Variants in CLSTN2 observed in about 807,000 individuals in gnomAD.
CLSTN2 encodes calsyntenin 2.
In CLSTN2, 48 loss-of-function variants were observed where a neutral mutation model predicts 101.2. The ratio of observed to expected loss-of-function variants is 0.47; its 90% CI spans 0.38 to 0.60. The LOEUF (loss-of-function observed/expected upper bound fraction) is 0.60. Ranked by LOEUF, CLSTN2 falls within the 20% of genes least tolerant of loss-of-function variation. The probability of loss-of-function intolerance (pLI) is 0.00; values close to 1 mark genes in which losing one functional copy is unlikely to be tolerated. For synonymous variants in CLSTN2, 481 were observed against 463.6 expected, an observed-to-expected ratio of 1.04 and a Z score of -0.48; for missense variants, 1,160 against 1,238.2, an observed-to-expected ratio of 0.94 and a Z score of 0.95.
chr3:140,058,888 CTG>C (rs2008146996), intron 1 of CLSTN2, among the ~76,000 whole-genome samples: 1 of 151,942 alleles, frequency 6.6e-6, no homozygotes, highest in African/African-American at 2.4e-5. Flanking sequence ...AGGGAGGCTG[CTG>C]TGTTTCCAGG....
intron 8 of CLSTN2, among the ~76,000 whole-genome samples, chr3:140,476,914 C>G (rs1420179512): frequency 6.6e-6 from 1 of 152,126 alleles, no homozygotes; most frequent in Non-Finnish European, 1.5e-5. Context: ...CCGCCTTGGC[C>G]TCCCAAAGTG....
rs1299991034 is a variant in CLSTN2 at position 140,501,465 on chromosome 3, C to G, written c.1345-30859C>G. Among the ~76,000 whole-genome samples, 6 of 152,092 alleles carry G rather than the reference C, an allele frequency of 3.9e-5. No individual in the cohort carries two copies. The South Asian group carries it at 1.2e-3, about 32-fold the overall frequency. ...TTAAATGAAATCCTTCAGGAGGCCT[C>G]GGCTCCTCTCCCAGACAAACTCTGT... On this transcript the variant is annotated intron_variant, in intron 8 of 16. Coordinates refer to ENST00000458420, the MANE Select transcript of CLSTN2 (RefSeq NM_022131.3).
chr3:140,090,071 G>A (rs2008750966), intron 1 of CLSTN2, among the ~76,000 whole-genome samples: 1 of 147,032 alleles, frequency 6.8e-6, no homozygotes, highest in Middle Eastern at 3.4e-3. Context: ...CTGTGTGGGG[G>A]AGAAATTTAT....
At chr3:140,313,710 CACAA>C (rs2087197127) in intron 2 of CLSTN2, among the ~76,000 whole-genome samples, 1 of 152,220 alleles carries the variant, frequency 6.6e-6, no homozygotes, top group Non-Finnish European at 1.5e-5. Context: ...TTTCTATACT[CACAA>C]AGTGAAGTGT....
chr3:140,111,013 C>A (rs1392715943), intron 1 of CLSTN2, among the ~76,000 whole-genome samples: 1 of 152,146 alleles, frequency 6.6e-6, no homozygotes, highest in African/African-American at 2.4e-5. Context: ...CTCTTCAACC[C>A]CATTCTCCTA....
chr3:140,234,348 T>C (rs1414256457), intron 2 of CLSTN2, among the ~76,000 whole-genome samples: 1 of 152,142 alleles, frequency 6.6e-6, no homozygotes, highest in Non-Finnish European at 1.5e-5. Flanking sequence ...CCATTGAGGG[T>C]AGGCTCTGGA....
At chr3:140,029,401 T>G (rs2007499956) in intron 1 of CLSTN2, among the ~76,000 whole-genome samples, 1 of 152,206 alleles carries the variant, frequency 6.6e-6, no homozygotes, top group Non-Finnish European at 1.5e-5. Context: ...TGTTCTTAAA[T>G]TAATTTTTAA....
chr3:140,129,266 A>G (rs112893829), intron 1 of CLSTN2, among the ~76,000 whole-genome samples: 1,818 of 152,228 alleles, frequency 0.012, 35 homozygotes, highest in African/African-American at 0.04. Flanking sequence ...TTTCATGAAA[A>G]TACAGATAAG....
At chr3:140,166,440 C>T (rs774889289) in intron 1 of CLSTN2, among the ~76,000 whole-genome samples, 11 of 152,174 alleles carry the variant, frequency 7.2e-5, no homozygotes, top group Non-Finnish European at 1.2e-4. Context: ...GTTTTTTACT[C>T]ATAGTTTACT....
At chr3:140,459,389 TCACA>T (rs1933498636) in intron 6 of CLSTN2, 128 bp from the exon 7 acceptor site, 1 of 1,010,324 alleles carries the variant, frequency 9.9e-7, no homozygotes, top group African/African-American at 1.6e-5. Flanking sequence ...TTTTCCTAAG[TCACA>T]TAGCTCATGG....
intron 1 of CLSTN2, among the ~76,000 whole-genome samples, chr3:139,990,043 T>A (rs1445109570): frequency 6.6e-6 from 1 of 152,232 alleles, no homozygotes; most frequent in African/African-American, 2.4e-5. Context: ...TAGCCCATCC[T>A]TTGTCCACAT....
intron 2 of CLSTN2, among the ~76,000 whole-genome samples, chr3:140,262,469 T>C (rs558415315): frequency 7.6e-6 from 1 of 132,076 alleles, no homozygotes; most frequent in Non-Finnish European, 1.6e-5. Flanking sequence ...AATGAAATTA[T>C]TTTTTATGAT....
intron 2 of CLSTN2, among the ~76,000 whole-genome samples, chr3:140,320,711 GA>G (rs1292475531): frequency 1.3e-5 from 2 of 151,460 alleles, no homozygotes; most frequent in East Asian, 1.9e-4. Context: ...CAAAAAAAAA[GA>G]AAAAAAGGAT....
At chr3:140,454,685 G>A (rs534232224) in intron 6 of CLSTN2, 2 of 152,328 alleles carry the variant, frequency 1.3e-5, no homozygotes, top group African/African-American at 4.8e-5. Context: ...CTGTGGCTCT[G>A]CGCCATGTTA....
intron 2 of CLSTN2, among the ~76,000 whole-genome samples, chr3:140,189,744 C>T (rs1290629084): frequency 2.0e-5 from 3 of 152,126 alleles, no homozygotes; most frequent in African/African-American, 7.2e-5. Flanking sequence ...TAGGTTGAGA[C>T]TCCTTTATTT....
chr3:140,065,434 A>G (rs1479496126), intron 1 of CLSTN2, among the ~76,000 whole-genome samples: 1 of 152,192 alleles, frequency 6.6e-6, no homozygotes, highest in Non-Finnish European at 1.5e-5. Context: ...TTCAAATGCA[A>G]TTTTAACAGT....
intron 2 of CLSTN2, among the ~76,000 whole-genome samples, chr3:140,232,268 G>C (rs897708030): frequency 6.6e-6 from 1 of 152,162 alleles, no homozygotes; most frequent in Admixed American, 6.5e-5. Context: ...CAGTTCCCTT[G>C]TCTGTAAAAT....
chr3:140,509,279 A>G (rs1270824092), intron 8 of CLSTN2, among the ~76,000 whole-genome samples: 1 of 152,180 alleles, frequency 6.6e-6, no homozygotes. Context: ...TTAGCATATT[A>G]TAGTCTCTGA....
At chr3:140,545,846 G>A (rs970711204) in intron 9 of CLSTN2, among the ~76,000 whole-genome samples, 5 of 152,188 alleles carry the variant, frequency 3.3e-5, no homozygotes, top group African/African-American at 1.2e-4. Flanking sequence ...GCCAAAGGGA[G>A]AACCACAGGA....
Sources: allele counts gnomAD v4.1 joint callset (sites outside exome capture counted in the v4.1 genomes callset), GRCh38; gene constraint gnomAD v4.1.1; transcripts MANE v1.5; gene names NCBI Gene and HGNC (gene_info 2026-07-23, HGNC 2026-07-21).